The following GSTCD variants were observed in gnomAD, a reference collection of about 807,000 sequenced individuals.
GSTCD encodes the protein glutathione S-transferase C-terminal domain-containing protein.
In GSTCD, 44 loss-of-function variants were observed where a neutral mutation model predicts 68.3. The observed-to-expected ratio is 0.64, with a 90% CI of 0.51 to 0.83. The LOEUF (loss-of-function observed/expected upper bound fraction) is 0.83. Among genes scored for constraint, GSTCD ranks in the 40% least tolerant of loss-of-function variants. The pLI is 0.00. For synonymous variants in GSTCD, 273 were observed against 255.2 expected (o/e 1.07, Z -0.67); for missense variants, 739 against 735.9 (o/e 1.00, Z -0.05).
chr4:105,826,626 G>T (rs1300285842), intron 8 of GSTCD, among the ~76,000 whole-genome samples: 1 of 151,964 alleles, frequency 6.6e-6, no homozygotes, highest in Non-Finnish European at 1.5e-5. Context: ...TGTGAACATT[G>T]TTAAGACCAT....
At chr4:105,748,290 T>C (rs768739215) in intron 5 of GSTCD, among the ~76,000 whole-genome samples, 3 of 152,096 alleles carry the variant, frequency 2.0e-5, no homozygotes, top group Non-Finnish European at 4.4e-5. Context: ...AGTGTATCAA[T>C]AGCATGAGAT....
chr4:105,725,577 A>G (rs1027152006), intron 3 of GSTCD, among the ~76,000 whole-genome samples: 1 of 151,780 alleles, frequency 6.6e-6, no homozygotes, highest in South Asian at 2.1e-4. Flanking sequence ...CTAATGATAT[A>G]TGATGCTGAG....
chr4:105,750,069 T>G (rs1733953881), intron 5 of GSTCD, among the ~76,000 whole-genome samples: 2 of 152,204 alleles, frequency 1.3e-5, no homozygotes, highest in African/African-American at 4.8e-5. Context: ...CATGCATATA[T>G]GAAAATTTCT....
At chr4:105,826,790 C>T (rs1723639086) in intron 8 of GSTCD, among the ~76,000 whole-genome samples, 1 of 152,070 alleles carries the variant, frequency 6.6e-6, no homozygotes, top group Non-Finnish European at 1.5e-5. Context: ...AAACCACTTT[C>T]CAGGAAGGTT....
At chr4:105,780,578 A>G (rs1242220856) in intron 5 of GSTCD, among the ~76,000 whole-genome samples, 1 of 152,232 alleles carries the variant, frequency 6.6e-6, no homozygotes, top group Non-Finnish European at 1.5e-5. Flanking sequence ...ACTGCAGAAG[A>G]TATTATAGAC....
intron 2 of GSTCD, 126 bp from the exon 3 acceptor site, chr4:105,718,934 A>G: frequency 1.4e-6 from 1 of 703,110 alleles, no homozygotes; most frequent in Non-Finnish European, 2.4e-6. Flanking sequence ...CTCCTGATAC[A>G]ACATAAAAGC....
chr4:105,821,142 C>T (rs559911274), intron 5 of GSTCD: 1 of 151,986 alleles, frequency 6.6e-6, no homozygotes, highest in South Asian at 2.1e-4. Context: ...TGCCTTCTGA[C>T]ACCTCCTTTC....
At chr4:105,836,600 C>T (rs1017368473) in intron 9 of GSTCD, among the ~76,000 whole-genome samples, 2 of 151,996 alleles carry the variant, frequency 1.3e-5, no homozygotes, top group Non-Finnish European at 2.9e-5. Flanking sequence ...ATCTCATGCT[C>T]GTCAGTGCCC....
chr4:105,820,388 T>C (rs1723228988), intron 5 of GSTCD, among the ~76,000 whole-genome samples: 1 of 151,858 alleles, frequency 6.6e-6, no homozygotes, highest in Admixed American at 6.6e-5. Flanking sequence ...TCTTTTTCCG[T>C]GACACTAGAG....
chr4:105,810,471 G>A (rs1326568480), intron 5 of GSTCD, among the ~76,000 whole-genome samples: 1 of 152,022 alleles, frequency 6.6e-6, no homozygotes, highest in Non-Finnish European at 1.5e-5. Context: ...GGATTTCAGA[G>A]AAGATAATGA....
chr4:105,726,773 A>G lies in GSTCD; in HGVS notation c.1089A>G (p.Glu363=), dbSNP rs1271301914. ...HPNLCEVPGV[E]EQSDPLFIGG... ...ACTTATGTGAAGTCCCAGGTGTAGAAGAGCAAAGCGATCCTTTATTTATAG... is the reference window on the plus strand; with the variant it reads ...ACTTATGTGAAGTCCCAGGTGTAGAGGAGCAAAGCGATCCTTTATTTATAG... The change falls in exon 4 of 12, where the codon GAA becomes GAG. Residue 363 remains glutamate (E), a synonymous_variant. Coordinates refer to ENST00000515279, the MANE Select transcript of GSTCD (RefSeq NM_001370181.1). The G allele has an allele frequency of 1.2e-6, 2 of 1,613,660 alleles. No homozygotes were observed. Among genetic ancestry groups the G allele is most frequent in the East Asian group, 4.5e-5 (2 of 44,864 alleles).
intron 1 of GSTCD, chr4:105,710,875 C>G (rs1353010176): frequency 1.3e-5 from 2 of 152,138 alleles, no homozygotes; most frequent in Non-Finnish European, 2.9e-5. Context: ...TTACTGTAAG[C>G]TTTTCACTTA....
At chr4:105,771,780 G>C (rs1055057073) in intron 5 of GSTCD, among the ~76,000 whole-genome samples, 1 of 152,140 alleles carries the variant, frequency 6.6e-6, no homozygotes, top group South Asian at 2.1e-4. Flanking sequence ...TAGCCTTGTA[G>C]TATAGTCTGA....
chr4:105,721,423 C>T (rs1260510446), intron 3 of GSTCD, among the ~76,000 whole-genome samples: 4 of 152,022 alleles, frequency 2.6e-5, no homozygotes, highest in Non-Finnish European at 4.4e-5. Flanking sequence ...GTTCAACATC[C>T]GTAATCAAGG....
rs557562093 is a variant in GSTCD, at chr4:105,724,853, T to C, written c.895-1726T>C. The stretch of plus-strand genomic sequence containing the variant: ...AAACAGTTAAACTAATTTGCATAAG[T>C]ATATATTAAGGATTTTAGGTTTTTG... On this transcript the variant is annotated intron_variant, in intron 3 of 11. Transcript: ENST00000515279. 1.2e-4 allele frequency among the ~76,000 whole-genome samples: 19 copies of C among 152,116 alleles called. No individual in the cohort carries two copies. The South Asian group carries it at 3.9e-3, about 32-fold the overall frequency.
chr4:105,838,363 A>G (rs1724205422), intron 10 of GSTCD, among the ~76,000 whole-genome samples: 1 of 152,268 alleles, frequency 6.6e-6, no homozygotes, highest in Non-Finnish European at 1.5e-5. Context: ...AAGATAATCT[A>G]TAACAGAGGA....
chr4:105,797,809 C>CT (rs2149259929), intron 5 of GSTCD, among the ~76,000 whole-genome samples: 1 of 140,558 alleles, frequency 7.1e-6, no homozygotes, highest in Admixed American at 7.6e-5. Context: ...GAGTCTTGCC[C>CT]TATCACCCAG....
intron 5 of GSTCD, among the ~76,000 whole-genome samples, chr4:105,821,412 ACTT>A (rs1311322216): frequency 6.6e-6 from 1 of 151,950 alleles, no homozygotes; most frequent in Non-Finnish European, 1.5e-5. Flanking sequence ...TACAGCTTTT[ACTT>A]CTTCTGTGTT....
chr4:105,828,484 G>C (rs114986656), intron 8 of GSTCD, among the ~76,000 whole-genome samples: 1 of 152,234 alleles, frequency 6.6e-6, no homozygotes, highest in African/African-American at 2.4e-5. Flanking sequence ...GATGAAAATA[G>C]CAGATAGAGG....
Sources: gnomAD v4.1 joint callset for allele counts (sites outside exome capture counted in the v4.1 genomes callset) on GRCh38, gnomAD v4.1.1 for gene constraint, MANE v1.5 for transcripts, NCBI Gene and HGNC (gene_info 2026-07-23, HGNC 2026-07-21) for gene names.